PGAP4: variants seen among roughly 807,000 people sequenced by gnomAD.
PGAP4 encodes GPI-N-acetylgalactosamine transferase PGAP4.
PGAP4 carries 12 observed loss-of-function variants against 28.2 expected under a neutral mutation model. The observed-to-expected ratio is 0.42, with a 90% confidence interval of 0.27 to 0.69. The LOEUF (loss-of-function observed/expected upper bound fraction) is 0.69. Among genes scored for constraint, PGAP4 ranks in the 30% least tolerant of loss-of-function variants. PGAP4 has a pLI of 0.22. For synonymous variants in PGAP4, 205 were observed against 211.8 expected (o/e 0.97, Z 0.28); for missense variants, 425 against 513.5 (o/e 0.83, Z 1.67).
At chr9:101,509,014 G>A (rs367795499) in intron 2 of PGAP4, among the ~76,000 whole-genome samples, 1 of 152,294 alleles carries the variant, frequency 6.6e-6, no homozygotes, top group East Asian at 1.9e-4. Context: ...AGGATTTGAA[G>A]TTGTCTTAAA....
upstream of PGAP4, among the ~76,000 whole-genome samples, chr9:101,489,401 GAAATTAAAGA>G (rs931393222): frequency 6.6e-6 from 1 of 152,060 alleles, no homozygotes; most frequent in Non-Finnish European, 1.5e-5. Context: ...AGGTGTGGGT[GAAATTAAAGA>G]AAACCAATAA....
intron 1 of PGAP4, among the ~76,000 whole-genome samples, chr9:101,480,168 C>G (rs1331295314): frequency 1.3e-5 from 2 of 152,106 alleles, no homozygotes; most frequent in East Asian, 3.9e-4. Context: ...TAAGACCCGG[C>G]CCCCAACCCC....
In PGAP4 at chr9:101,487,027, C is replaced by A. The variant is rs1337157875; in HGVS notation, c.-156G>T. 1 of 152,330 alleles carries A rather than the reference C, an allele frequency of 6.6e-6. No individual in the cohort carries two copies. Among genetic ancestry groups the A allele is most frequent in the South Asian group, 2.1e-4 (1 of 4,838 alleles). The allele number at this position is 152,330 out of a possible 1,614,324, so 9.4% of individuals were successfully genotyped here. ...ATTGCCCAGGCTGGCTAGCTCATCCCGGTGGAGGCGCCATCTCCGGGGCCC... is the reference window on the plus strand; with the variant it reads ...ATTGCCCAGGCTGGCTAGCTCATCCAGGTGGAGGCGCCATCTCCGGGGCCC... On this transcript the variant is annotated 5_prime_UTR_variant, in exon 1 of 2. Coordinates refer to ENST00000374848, the MANE Select transcript of PGAP4 (RefSeq NM_032342.3).
At chr9:101,509,385 G>A (rs984572369) in intron 2 of PGAP4, among the ~76,000 whole-genome samples, 3 of 152,168 alleles carry the variant, frequency 2.0e-5, no homozygotes, top group Non-Finnish European at 4.4e-5. Context: ...AAAGTGACAG[G>A]TTGAATTTGT....
At chr9:101,531,219 C>G (rs1231367123) in intron 2 of PGAP4, 2 of 152,222 alleles carry the variant, frequency 1.3e-5, no homozygotes, top group Non-Finnish European at 2.9e-5. Context: ...CACACACACA[C>G]ACACACACAC....
In PGAP4 at chr9:101,475,947, C is replaced by T. The variant is rs202215905; in HGVS notation, c.1146G>A (p.Pro382=). ...AGAGCCCGATGTGTTTCACGAGGTT[C>T]GGCTCCACTACATAGGCCCTCTCTC... ...AKGERAYVVE[P]NLVKHIGLFS... Residue 382 remains proline (P), a synonymous_variant, in exon 2 of 2, where the codon CCG becomes CCA. Transcript: ENST00000374848. The T allele has an allele frequency of 6.1e-5, 99 of 1,614,178 alleles. 1 individual carries two copies. In the East Asian group the frequency reaches 1.6e-3, roughly 25 times the overall value.
intron 2 of PGAP4, among the ~76,000 whole-genome samples, chr9:101,496,691 T>A (rs957568451): frequency 6.6e-6 from 1 of 151,312 alleles, no homozygotes; most frequent in Non-Finnish European, 1.5e-5. Context: ...TCTTACATGT[T>A]CTTTAAAAAA....
chr9:101,501,501 A>G, intron 2 of PGAP4: 1 of 227,440 alleles, frequency 4.4e-6, no homozygotes, highest in Non-Finnish European at 8.9e-6. Flanking sequence ...TTATTTATTA[A>G]TCAGTGTAAT....
chr9:101,510,573 G>A (rs4743465), intron 2 of PGAP4, among the ~76,000 whole-genome samples: 23,350 of 152,050 alleles, frequency 0.15, 2,380 homozygotes, highest in East Asian at 0.36. Flanking sequence ...AGGACACTTG[G>A]TATTTTCTTT....
intron 2 of PGAP4, among the ~76,000 whole-genome samples, chr9:101,529,446 C>T (rs974476516): frequency 5.9e-5 from 9 of 152,212 alleles, no homozygotes; most frequent in Admixed American, 6.5e-5. Context: ...TAAGCCACCG[C>T]GCCCGGCCTT....
Position 101,494,352 on chromosome 9 carries a change from G to A in PGAP4, c.-164-5152C>T, listed in dbSNP as rs374779852. On this transcript the variant is annotated intron_variant, in intron 2 of 3. Transcript: ENST00000374851. ...TTGGAGAATCAACTAGGGAGAAAAAGTAAATGTTTTCATCTTTGTTTACAA... is the reference window on the plus strand; with the variant it reads ...TTGGAGAATCAACTAGGGAGAAAAAATAAATGTTTTCATCTTTGTTTACAA... Among the ~76,000 whole-genome samples the A allele has an allele frequency of 2.4e-4, 36 of 151,938 alleles. 1 individual carries two copies. The highest frequency in any genetic ancestry group is 1.4e-3 in the Admixed American group (22 of 15,252).
chr9:101,478,399 G>T (rs961557148), intron 1 of PGAP4, among the ~76,000 whole-genome samples: 1 of 152,206 alleles, frequency 6.6e-6, no homozygotes, highest in African/African-American at 2.4e-5. Flanking sequence ...GCATCATAAG[G>T]TTTACACACA....
intron 2 of PGAP4, among the ~76,000 whole-genome samples, chr9:101,496,743 A>G (rs1826754667): frequency 6.6e-6 from 1 of 151,036 alleles, no homozygotes; most frequent in South Asian, 2.1e-4. Flanking sequence ...AATTTACCAT[A>G]CAAAATTTTT....
chr9:101,531,149 A>G (rs1398257463), intron 2 of PGAP4: 2 of 151,258 alleles, frequency 1.3e-5, no homozygotes, highest in Non-Finnish European at 1.5e-5. Flanking sequence ...AATCCTGTGA[A>G]CCAATTCCTT....
intron 2 of PGAP4, among the ~76,000 whole-genome samples, chr9:101,509,607 G>T (rs1019616792): frequency 5.9e-5 from 9 of 152,144 alleles, no homozygotes; most frequent in African/African-American, 2.2e-4. Context: ...TCTCCTCACA[G>T]AGCTGCACAA....
rs1588187679 is a variant in PGAP4, at chr9:101,473,470, A to T, written c.*2411T>A. ...CTTATAAGAATAAGGGATTAAATGG[A>T]GGAAGATCTAGAAGTGGGTGGGAAC... On this transcript the variant is annotated 3_prime_UTR_variant, in exon 2 of 2. Transcript: ENST00000374848. The T allele has an allele frequency of 6.6e-6, 1 of 152,250 alleles. No homozygotes were observed. The highest frequency in any genetic ancestry group is 1.5e-5 in the Non-Finnish European group (1 of 68,054). 9.4% of individuals were successfully genotyped at this position (152,250 alleles called of 1,614,324 possible).
chr9:101,509,749 T>C (rs989059055), intron 2 of PGAP4, among the ~76,000 whole-genome samples: 39 of 152,082 alleles, frequency 2.6e-4, no homozygotes, highest in African/African-American at 8.7e-4. Flanking sequence ...CATTTCTCTA[T>C]GGATGACACG....
chr9:101,477,952 A>G (rs1266732727), intron 1 of PGAP4, among the ~76,000 whole-genome samples: 1 of 152,132 alleles, frequency 6.6e-6, no homozygotes, highest in Non-Finnish European at 1.5e-5. Context: ...AATATGGAAG[A>G]GACAGTTGCC....
At chr9:101,523,483 G>T (rs1827005609) in intron 2 of PGAP4, among the ~76,000 whole-genome samples, 1 of 150,236 alleles carries the variant, frequency 6.7e-6, no homozygotes, top group South Asian at 2.1e-4. Flanking sequence ...CTTCTACTTG[G>T]TTCAATTCTA....
Sources: gnomAD v4.1 joint callset for allele counts (sites outside exome capture counted in the v4.1 genomes callset) on GRCh38, gnomAD v4.1.1 for gene constraint, MANE v1.5 for transcripts, NCBI Gene and HGNC (gene_info 2026-07-23, HGNC 2026-07-21) for gene names.